Variants in LRRTM4 observed in about 807,000 individuals in gnomAD.
LRRTM4 encodes leucine-rich repeat transmembrane neuronal protein 4.
LRRTM4 carries 25 observed loss-of-function variants against 47.6 expected under a neutral mutation model. The ratio of observed to expected loss-of-function variants is 0.53; its 90% CI spans 0.38 to 0.73. The LOEUF is 0.73. Among genes scored for constraint, LRRTM4 ranks in the 30% least tolerant of loss-of-function variants. The pLI is 0.00. For missense variants in LRRTM4, 638 were observed against 713.4 expected (o/e 0.89, Z 1.20); for synonymous variants, 311 against 269.5 (o/e 1.15, Z -1.51).
At chr2:77,012,900 C>G (rs1677926380) in intron 3 of LRRTM4, among the ~76,000 whole-genome samples, 1 of 152,082 alleles carries the variant, frequency 6.6e-6, no homozygotes, top group Non-Finnish European at 1.5e-5. Flanking sequence ...AATAACATAC[C>G]TGGAAATGGG....
intron 3 of LRRTM4, among the ~76,000 whole-genome samples, chr2:76,910,276 C>G (rs940653837): frequency 2.1e-5 from 3 of 143,624 alleles, no homozygotes; most frequent in Non-Finnish European, 4.5e-5. Context: ...TATTCTCACT[C>G]ATAGGTGGGA....
At chr2:76,944,725 G>A (rs904073636) in intron 3 of LRRTM4, among the ~76,000 whole-genome samples, 1 of 151,996 alleles carries the variant, frequency 6.6e-6, no homozygotes, top group Non-Finnish European at 1.5e-5. Context: ...TAGGATTGTA[G>A]GGAAATTCAG....
At position 77,099,578 on chromosome 2, in the gene LRRTM4, A is replaced by G. The variant is rs147380991; in HGVS notation, c.1552-350662T>C. On this transcript the variant is annotated intron_variant, in intron 3 of 3. Coordinates refer to ENST00000409884, the MANE Select transcript of LRRTM4 (RefSeq NM_001134745.3). The stretch of plus-strand genomic sequence containing the variant: ...GGCAGTGGTATCTAGGACAACTTCA[A>G]TAGAGCTTATAATGTTTTATTTTAT... Among the ~76,000 whole-genome samples, 1,193 of 152,046 alleles carry G rather than the reference A, an allele frequency of 7.8e-3. 43 individuals are homozygous for G. Among genetic ancestry groups the G allele is most frequent in the East Asian group, 0.071 (368 of 5,164 alleles).
intron 3 of LRRTM4, among the ~76,000 whole-genome samples, chr2:77,034,025 T>C (rs907008403): frequency 4.4e-4 from 67 of 151,876 alleles, no homozygotes; most frequent in African/African-American, 1.3e-3. Context: ...ACCTTTATTA[T>C]TGATAATTAA....
At chr2:77,083,506 A>C (rs946713697) in intron 3 of LRRTM4, among the ~76,000 whole-genome samples, 1 of 152,146 alleles carries the variant, frequency 6.6e-6, no homozygotes, top group African/African-American at 2.4e-5. Context: ...CTGACCAAAA[A>C]CATGACCAAA....
At chr2:77,035,327 C>A (rs7595678) in intron 3 of LRRTM4, among the ~76,000 whole-genome samples, 2 of 151,354 alleles carry the variant, frequency 1.3e-5, no homozygotes, top group African/African-American at 4.8e-5. Context: ...CAAGTTCCCC[C>A]GATGATAATA....
At chr2:77,164,556 G>A (rs938892006) in intron 3 of LRRTM4, among the ~76,000 whole-genome samples, 1 of 152,102 alleles carries the variant, frequency 6.6e-6, no homozygotes, top group African/African-American at 2.4e-5. Flanking sequence ...CACATAGTTG[G>A]AAGTAAAGAA....
chr2:76,872,581 T>C (rs932314050), intron 3 of LRRTM4, among the ~76,000 whole-genome samples: 3 of 152,002 alleles, frequency 2.0e-5, no homozygotes, highest in Admixed American at 2.0e-4. Context: ...CTATACATTA[T>C]TAATACTGCT....
intron 3 of LRRTM4, among the ~76,000 whole-genome samples, chr2:76,968,760 G>A (rs922205862): frequency 4.6e-5 from 7 of 151,726 alleles, no homozygotes; most frequent in Non-Finnish European, 7.4e-5. Flanking sequence ...CCTTCTCTTA[G>A]TCCAGGCTCT....
intron 3 of LRRTM4, among the ~76,000 whole-genome samples, chr2:77,355,412 T>G (rs767227881): frequency 3.3e-5 from 5 of 152,130 alleles, no homozygotes; most frequent in Non-Finnish European, 5.9e-5. Flanking sequence ...TTCTTACCAC[T>G]CAGAGTAAAG....
intron 3 of LRRTM4, among the ~76,000 whole-genome samples, chr2:76,973,742 G>T (rs1325298944): frequency 1.3e-5 from 2 of 151,852 alleles, no homozygotes; most frequent in Non-Finnish European, 2.9e-5. Flanking sequence ...TATAAAGGAT[G>T]ACAAAATGAA....
chr2:77,136,196 C>G (rs1671936185), intron 3 of LRRTM4, among the ~76,000 whole-genome samples: 1 of 152,152 alleles, frequency 6.6e-6, no homozygotes, highest in African/African-American at 2.4e-5. Flanking sequence ...GGGTCCCTGA[C>G]CCCTGAGTAG....
intron 3 of LRRTM4, among the ~76,000 whole-genome samples, chr2:77,051,361 G>A (rs1416828311): frequency 1.3e-5 from 2 of 152,144 alleles, no homozygotes; most frequent in Non-Finnish European, 2.9e-5. Flanking sequence ...TGTTTAGGGA[G>A]AGGCCAAGTG....
chr2:77,354,769 A>G (rs1370170500), intron 3 of LRRTM4, among the ~76,000 whole-genome samples: 1 of 152,134 alleles, frequency 6.6e-6, no homozygotes, highest in Non-Finnish European at 1.5e-5. Flanking sequence ...GCCATTGGCT[A>G]AGGGCAGGGC....
At chr2:77,124,357 A>G (rs1257249787) in intron 3 of LRRTM4, among the ~76,000 whole-genome samples, 2 of 152,118 alleles carry the variant, frequency 1.3e-5, no homozygotes, top group African/African-American at 4.8e-5. Flanking sequence ...CAGAATCAAA[A>G]TGACATGACT....
intron 3 of LRRTM4, among the ~76,000 whole-genome samples, chr2:77,343,123 T>C (rs1248803611): frequency 6.6e-6 from 1 of 151,954 alleles, no homozygotes; most frequent in Non-Finnish European, 1.5e-5. Flanking sequence ...TTGAGGTAAG[T>C]AGAAACATTT....
chr2:76,966,275 G>A (rs1676020694), intron 3 of LRRTM4, among the ~76,000 whole-genome samples: 2 of 151,206 alleles, frequency 1.3e-5, no homozygotes, highest in South Asian at 2.1e-4. Flanking sequence ...GGTGAAATAG[G>A]AGAAGGAGGT....
chr2:77,490,174 C>A (rs1050367526), intron 3 of LRRTM4, among the ~76,000 whole-genome samples: 1 of 151,926 alleles, frequency 6.6e-6, no homozygotes, highest in Non-Finnish European at 1.5e-5. Context: ...TGCTTGAACT[C>A]AGGATGCGAA....
chr2:76,801,542 A>G (rs1453528789), intron 3 of LRRTM4, among the ~76,000 whole-genome samples: 1 of 152,126 alleles, frequency 6.6e-6, no homozygotes, highest in Admixed American at 6.5e-5. Flanking sequence ...AAGGGATAGC[A>G]TTAGGAGATA....
Sources: gnomAD v4.1 joint callset for allele counts (sites outside exome capture counted in the v4.1 genomes callset) on GRCh38, gnomAD v4.1.1 for gene constraint, MANE v1.5 for transcripts, NCBI Gene and HGNC (gene_info 2026-07-23, HGNC 2026-07-21) for gene names.